RPRD1A: variants seen among roughly 807,000 people sequenced by gnomAD.
RPRD1A encodes the protein regulation of nuclear pre-mRNA domain containing 1A, also known as regulation of nuclear pre-mRNA domain-containing protein 1A.
A neutral mutation model predicts 37.8 loss-of-function variants in RPRD1A; 9 were observed. The observed-to-expected ratio is 0.24, with a 90% CI of 0.14 to 0.42. RPRD1A has a LOEUF of 0.42. RPRD1A is among the 10% of genes least tolerant of loss of function. The pLI, the probability that RPRD1A is intolerant of heterozygous loss-of-function variation, is 1.00. For missense variants in RPRD1A, 255 were observed against 371.0 expected (o/e 0.69, Z 2.57); for synonymous variants, 138 against 139.7 (o/e 0.99, Z 0.08).
intron 6 of RPRD1A, among the ~76,000 whole-genome samples, chr18:35,995,267 T>G (rs563515605): frequency 1.7e-4 from 26 of 148,582 alleles, no homozygotes; most frequent in Non-Finnish European, 3.5e-4. Context: ...TTTCGTTTTT[T>G]TTTTTTTTTT....
At chr18:36,062,183 G>A (rs966634872) in intron 1 of RPRD1A, among the ~76,000 whole-genome samples, 7 of 151,542 alleles carry the variant, frequency 4.6e-5, no homozygotes, top group Non-Finnish European at 1.0e-4. Flanking sequence ...CGGGCGCGGT[G>A]GCGGGCGCCT....
chr18:36,035,464 G>C (rs1912123251), intron 1 of RPRD1A, among the ~76,000 whole-genome samples: 1 of 152,150 alleles, frequency 6.6e-6, no homozygotes, highest in Non-Finnish European at 1.5e-5. Context: ...ATGAGGAAGA[G>C]ATAAGCCAGG....
intron 6 of RPRD1A, among the ~76,000 whole-genome samples, chr18:36,001,656 A>G (rs767314080): frequency 1.3e-5 from 2 of 152,140 alleles, no homozygotes; most frequent in African/African-American, 2.4e-5. Context: ...CAGATCCTCC[A>G]TATCTGAGCA....
chr18:36,030,049 G>A (rs890441482), intron 4 of RPRD1A, among the ~76,000 whole-genome samples: 1 of 150,862 alleles, frequency 6.6e-6, no homozygotes, highest in Non-Finnish European at 1.5e-5. Flanking sequence ...CTCATGATCC[G>A]ACCACCTTGG....
chr18:36,048,599 A>C (rs34898243), intron 1 of RPRD1A, among the ~76,000 whole-genome samples: 2 of 151,954 alleles, frequency 1.3e-5, no homozygotes, highest in African/African-American at 4.8e-5. Context: ...AAAATCCCTC[A>C]GAAATCAAGA....
intron 6 of RPRD1A, among the ~76,000 whole-genome samples, chr18:36,021,897 AG>A (rs2144250708): frequency 6.6e-6 from 1 of 152,270 alleles, no homozygotes; most frequent in East Asian, 1.9e-4. Flanking sequence ...GCTACTCAGG[AG>A]GCTGAAGTGG....
chr18:36,018,854 G>C (rs758096992), intron 6 of RPRD1A, among the ~76,000 whole-genome samples: 14 of 152,124 alleles, frequency 9.2e-5, no homozygotes, highest in Non-Finnish European at 1.8e-4. Context: ...CAAAAGAAAA[G>C]GATGTAGGAC....
chr18:36,031,150 G>A, intron 2 of RPRD1A, 53 bp from the exon 3 acceptor site: 1 of 1,453,964 alleles, frequency 6.9e-7, no homozygotes, highest in Non-Finnish European at 9.0e-7. Flanking sequence ...ACAATGCATA[G>A]TGTTATTGAA....
chr18:36,034,163 T>C (rs1269817973), intron 1 of RPRD1A, among the ~76,000 whole-genome samples: 1 of 152,140 alleles, frequency 6.6e-6, no homozygotes, highest in Non-Finnish European at 1.5e-5. Context: ...AATCCTACAT[T>C]GAATTTAGGA....
rs1281841473 is a variant in RPRD1A, at chr18:35,990,825, AGGC to A, written c.*2323_*2325del. On this transcript the variant is annotated 3_prime_UTR_variant, in exon 7 of 7. Transcript: ENST00000399022. The stretch of plus-strand genomic sequence containing the variant: ...CTTTTAGGAAGAATGTTTGCTGCTA[AGGC>A]TTACCATGTTAATTATCACACGGCT... 3 of 152,190 alleles carry A rather than the reference AGGC, an allele frequency of 2.0e-5. No individual in the cohort carries two copies. Among genetic ancestry groups the A allele is most frequent in the Non-Finnish European group, 4.4e-5 (3 of 68,032 alleles). 9.4% of individuals were successfully genotyped at this position (152,190 alleles called of 1,614,324 possible).
chr18:36,006,269 C>T (rs1909744167), intron 6 of RPRD1A, among the ~76,000 whole-genome samples: 1 of 152,196 alleles, frequency 6.6e-6, no homozygotes, highest in South Asian at 2.1e-4. Flanking sequence ...CTCCCAACCT[C>T]CCAGGCTCAA....
chr18:36,045,157 T>C (rs1297373682), intron 1 of RPRD1A, among the ~76,000 whole-genome samples: 1 of 152,056 alleles, frequency 6.6e-6, no homozygotes, highest in Non-Finnish European at 1.5e-5. Flanking sequence ...TGAGAATCAC[T>C]TGAACCTGGG....
rs1405923995 is a variant in RPRD1A at position 36,019,502 on chromosome 18, A to T, written c.789+7398T>A. ...GTAGGGAGATATGAGAGGGAGCAGAAGATCATCTTATAAGCCAGGTAGTAC... is the reference window on the plus strand; with the variant it reads ...GTAGGGAGATATGAGAGGGAGCAGATGATCATCTTATAAGCCAGGTAGTAC... On this transcript the variant is annotated intron_variant, in intron 6 of 6. Coordinates refer to ENST00000399022, the MANE Select transcript of RPRD1A (RefSeq NM_018170.5). Among the ~76,000 whole-genome samples, 9 of 152,254 alleles carry T rather than the reference A, an allele frequency of 5.9e-5. No individual in the cohort carries two copies. The East Asian group carries it at 1.4e-3, about 23-fold the overall frequency.
chr18:36,015,131 TACACACACACACACAC>T (rs201284977), intron 6 of RPRD1A, among the ~76,000 whole-genome samples: 3 of 122,894 alleles, frequency 2.4e-5, no homozygotes, highest in Admixed American at 8.5e-5. Context: ...GGGTCTCACA[TACACACACACACACAC>T]ACACACACAC....
At chr18:36,014,533 T>TC (rs1910377298) in intron 6 of RPRD1A, among the ~76,000 whole-genome samples, 1 of 152,158 alleles carries the variant, frequency 6.6e-6, no homozygotes, top group South Asian at 2.1e-4. Flanking sequence ...GGTCAGGAGA[T>TC]CGAGACCATC....
At chr18:36,052,074 A>T (rs910760923) in intron 1 of RPRD1A, among the ~76,000 whole-genome samples, 7 of 151,948 alleles carry the variant, frequency 4.6e-5, no homozygotes, top group Non-Finnish European at 1.0e-4. Flanking sequence ...AGCAGCAAGG[A>T]GTCTCAGTAA....
chr18:36,009,658 C>G (rs1226408950), intron 6 of RPRD1A, among the ~76,000 whole-genome samples: 1 of 152,134 alleles, frequency 6.6e-6, no homozygotes, highest in Non-Finnish European at 1.5e-5. Context: ...TTCATCAATA[C>G]TTATCTTTTT....
At chr18:36,040,422 T>A (rs1211130530) in intron 1 of RPRD1A, among the ~76,000 whole-genome samples, 2 of 152,204 alleles carry the variant, frequency 1.3e-5, no homozygotes, top group South Asian at 4.1e-4. Flanking sequence ...ACCTAATGAA[T>A]GCACTGTACA....
At chr18:36,009,983 A>G (rs767870805) in intron 6 of RPRD1A, among the ~76,000 whole-genome samples, 3 of 152,050 alleles carry the variant, frequency 2.0e-5, no homozygotes, top group Non-Finnish European at 2.9e-5. Flanking sequence ...CATTATATCT[A>G]TCTTTGCCAT....
Sources: gnomAD v4.1 joint callset for allele counts (sites outside exome capture counted in the v4.1 genomes callset) on GRCh38, gnomAD v4.1.1 for gene constraint, MANE v1.5 for transcripts, NCBI Gene and HGNC (gene_info 2026-07-23, HGNC 2026-07-21) for gene names.